Variants in SLC3A2 observed in about 807,000 individuals in gnomAD.
SLC3A2 encodes solute carrier family 3 member 2.
A neutral mutation model predicts 48.5 loss-of-function variants in SLC3A2; 32 were observed. That is an observed-to-expected ratio of 0.66 (90% CI 0.50 to 0.89). The LOEUF is 0.89. Among genes scored for constraint, SLC3A2 ranks in the 40% least tolerant of loss-of-function variants. The pLI is 0.00. For missense variants in SLC3A2, 587 were observed against 680.7 expected (o/e 0.86, Z 1.53); for synonymous variants, 277 against 288.8 (o/e 0.96, Z 0.41).
At chr11:62,884,753 G>A (rs1022477819) in intron 5 of SLC3A2, 63 bp downstream of exon 5, 46 of 1,349,800 alleles carry the variant, frequency 3.4e-5, no homozygotes, top group Non-Finnish European at 4.3e-5. Flanking sequence ...TGGAGTGCTA[G>A]GCCTAAGAAG....
chr11:62,884,658 G>A lies in SLC3A2; in HGVS notation c.786G>A (p.Trp262Ter). Residue 262 changes from tryptophan (W) to a stop codon, truncating the protein, a stop_gained, in exon 5 of 9, where the codon TGG becomes TGA. Transcript: ENST00000338663. LOFTEE classifies it high-confidence loss of function. ...ATGCATCCTCATTCTTGGCTGAGTG[G>A]CAAAATATCACCAAGGGCTTCAGTG... ...LKDASSFLAE[W>*]QNITKGFSED... 1 of 1,608,810 alleles carries A rather than the reference G, an allele frequency of 6.2e-7. No individual in the cohort carries two copies. The highest frequency in any genetic ancestry group is 8.5e-7 in the Non-Finnish European group (1 of 1,176,496).
chr11:62,870,474 G>A (rs893453351), intron 1 of SLC3A2, among the ~76,000 whole-genome samples: 8 of 151,884 alleles, frequency 5.3e-5, no homozygotes, highest in African/African-American at 1.5e-4. Context: ...GTGAGCCACC[G>A]CGCCTGGCCT....
In SLC3A2 at chr11:62,874,957, T is replaced by G. The variant is rs375599283; in HGVS notation, c.113-6062T>G. Among the ~76,000 whole-genome samples, 45 of 152,194 alleles carry G rather than the reference T, an allele frequency of 3.0e-4. 1 individual carries two copies. In the East Asian group the frequency reaches 3.1e-3, roughly 10 times the overall value. On this transcript the variant is annotated intron_variant, in intron 1 of 9. Transcript: ENST00000377889. ...TTTGTATTTTTAGTAGAGATGGGGA[T>G]TTGCCATGTTGGCCAAGCTGGTCTC...
rs943291099 is a variant in SLC3A2 at position 62,870,435 on chromosome 11, T to C, written c.113-10584T>C. On this transcript the variant is annotated intron_variant, in intron 1 of 9. Transcript: ENST00000377889. ...TCGTGACCTTGTGATCCGCCCGCCTTGGCTTCCCAAAGTACTGGGATTACA... is the reference window on the plus strand; with the variant it reads ...TCGTGACCTTGTGATCCGCCCGCCTCGGCTTCCCAAAGTACTGGGATTACA... Among the ~76,000 whole-genome samples, 9 of 151,682 alleles carry C rather than the reference T, an allele frequency of 5.9e-5. No homozygotes were observed. The East Asian group carries it at 1.7e-3, about 29-fold the overall frequency.
At chr11:62,857,537 A>G (rs2085347917) in intron 1 of SLC3A2, among the ~76,000 whole-genome samples, 1 of 151,972 alleles carries the variant, frequency 6.6e-6, no homozygotes, top group African/African-American at 2.4e-5. Context: ...AAAAATAGAA[A>G]AAATTAGCCA....
chr11:62,859,263 A>G (rs2085372210), intron 1 of SLC3A2, among the ~76,000 whole-genome samples: 1 of 152,220 alleles, frequency 6.6e-6, no homozygotes, highest in African/African-American at 2.4e-5. Flanking sequence ...GCCTTCAAGC[A>G]TCTGTTTAAC....
At chr11:62,861,910 CA>C (rs1189861840) in intron 1 of SLC3A2, among the ~76,000 whole-genome samples, 2,064 of 59,094 alleles carry the variant, frequency 0.035, 47 homozygotes, top group African/African-American at 0.092. Context: ...AAACCTCTCT[CA>C]AAAAAAAAAA....
upstream of SLC3A2, chr11:62,876,814 C>A (rs973361554): frequency 2.8e-5 from 17 of 597,626 alleles, no homozygotes; most frequent in Admixed American, 1.5e-4. Flanking sequence ...GTTAGCCAGG[C>A]TGATATTGAA....
intron 7 of SLC3A2, among the ~76,000 whole-genome samples, chr11:62,887,280 G>A (rs2085726916): frequency 6.6e-6 from 1 of 152,088 alleles, no homozygotes; most frequent in Admixed American, 6.6e-5. Context: ...AGGAGACCTG[G>A]TAAGATAACC....
rs2085466475 is a variant in SLC3A2, at chr11:62,867,515, G to A, written c.112+11134G>A. Among the ~76,000 whole-genome samples, 5 of 151,074 alleles carry A rather than the reference G, an allele frequency of 3.3e-5. No homozygotes were observed. In the South Asian group the frequency reaches 8.4e-4, roughly 25 times the overall value. On this transcript the variant is annotated intron_variant, in intron 1 of 9. Transcript: ENST00000377889. ...TAATTTTTGTGTTTTTAGTAGAGAC[G>A]TGGTTTCACCATGTTGGCCAGGATG...
At chr11:62,856,137 G>A (rs528999806), upstream of SLC3A2, 341 of 666,656 alleles carry the variant, frequency 5.1e-4, 3 homozygotes, top group South Asian at 3.0e-3. Context: ...CTCACCCAGT[G>A]CATGTGGCAG....
intron 1 of SLC3A2, among the ~76,000 whole-genome samples, chr11:62,875,091 A>G (rs2085557373): frequency 6.6e-6 from 1 of 152,026 alleles, no homozygotes. Context: ...AATCTTCAAG[A>G]TTTCTGGCTG....
Position 62,868,957 on chromosome 11 carries a change from G to A in SLC3A2, c.113-12062G>A, listed in dbSNP as rs1015960701. 4.6e-5 allele frequency among the ~76,000 whole-genome samples: 7 copies of A among 151,888 alleles called. No individual in the cohort carries two copies. The East Asian group carries it at 1.2e-3, about 25-fold the overall frequency. On this transcript the variant is annotated intron_variant, in intron 1 of 9. Coordinates refer to the SLC3A2 transcript ENST00000377889. ...TCTGTCGCCCAGGCTGGAGTGCAGT[G>A]GTGTGATTTCAGTTCACTGCAACTT...
At position 62,881,433 on chromosome 11, in the gene SLC3A2, C is replaced by G. The variant is rs766481121; in HGVS notation, c.410C>G (p.Ala137Gly). The G allele has an allele frequency of 1.8e-5, 29 of 1,585,998 alleles. No homozygotes were observed. The South Asian group carries it at 3.0e-4, about 17-fold the overall frequency. The change falls in exon 1 of 9, where the codon GCG (alanine) becomes GGG (glycine). Residue 137 changes from alanine to glycine, a missense_variant. Physicochemically the swap from Ala to Gly is moderately conservative, Grantham distance 60. This residue lies in a region of SLC3A2 where 409 missense variants were observed against 446.7 expected (regional missense o/e 0.92). Transcript: ENST00000338663. This position sits in a 1 kb window ranked among gnomAD's most constrained non-coding sequence, Gnocchi z 4.0. The part of the protein sequence containing the change: ...GDLQAFQGHG[A>G]GNLAGLKGRL... ...CTTCAGGCCTTCCAGGGCCACGGCG[C>G]GGGCAACCTGGCGGGTGAGTGCAGC...
Position 62,881,377 on chromosome 11 carries a change from G to T in SLC3A2, c.354G>T (p.Trp118Cys). The change falls in exon 1 of 9, where the codon TGG becomes TGT. Residue 118 changes from tryptophan (W) to cysteine (C), a missense_variant. Trp to Cys is a radical substitution (Grantham distance 215). Around this residue, in one of 3 missense-constraint regions of SLC3A2, gnomAD observed 409 missense variants for 446.7 expected, o/e 0.92. Transcript: ENST00000338663. This position sits in a 1 kb window ranked among gnomAD's most constrained non-coding sequence, Gnocchi z 4.0. ...GCGAGCTACCGGCGCAGAAGTGGTGGCACACGGGCGCCCTCTACCGCATCG... is the reference window on the plus strand; with the variant it reads ...GCGAGCTACCGGCGCAGAAGTGGTGTCACACGGGCGCCCTCTACCGCATCG... ...RCRELPAQKWWHTGALYRIGD... is the reference protein window; with the variant it reads ...RCRELPAQKWCHTGALYRIGD... 1 of 1,596,866 alleles carries T rather than the reference G, an allele frequency of 6.3e-7. No homozygotes were observed.
Position 62,881,873 on chromosome 11 carries a change from TAACCC to T in SLC3A2, c.425-18_425-14del. 1 of 1,611,296 alleles carries T rather than the reference TAACCC, an allele frequency of 6.2e-7. No homozygotes were observed. ...GGCCTCTCAGAGGGGCCTCACTTGTTAACCCAGCCCCCATTTCAGGTCTGAAGGGG... is the reference window on the plus strand; with the variant it reads ...GGCCTCTCAGAGGGGCCTCACTTGTTAGCCCCCATTTCAGGTCTGAAGGGG... On this transcript the variant is annotated splice_polypyrimidine_tract_variant and intron_variant, in intron 1 of 8. Transcript: ENST00000338663. The surrounding 1 kb of genome is among the most constrained non-coding windows in gnomAD (Gnocchi z 4.0).
At position 62,885,618 on chromosome 11, in the gene SLC3A2, G is replaced by A; in HGVS notation, c.1143+10G>A. The A allele has an allele frequency of 6.2e-7, 1 of 1,613,810 alleles. No individual in the cohort carries two copies. Among genetic ancestry groups the A allele is most frequent in the Non-Finnish European group, 8.5e-7 (1 of 1,179,812 alleles). On this transcript the variant is annotated intron_variant, in intron 7 of 8. Coordinates refer to ENST00000338663, the MANE Select transcript of SLC3A2 (RefSeq NM_001013251.3). ...TGCCCTTCCTGGACAGGTACTGCTTGCTGTCTTTCTGTCACAGGGAGGTTG... is the reference window on the plus strand; with the variant it reads ...TGCCCTTCCTGGACAGGTACTGCTTACTGTCTTTCTGTCACAGGGAGGTTG...
At chr11:62,884,768 G>T in intron 5 of SLC3A2, 78 bp downstream of exon 5, 1 of 1,128,186 alleles carries the variant, frequency 8.9e-7, no homozygotes, top group Non-Finnish European at 1.2e-6. Flanking sequence ...AAGAAGGGGG[G>T]ATTCCTAGTC....
intron 1 of SLC3A2, among the ~76,000 whole-genome samples, chr11:62,872,115 C>T (rs919647409): frequency 6.6e-6 from 1 of 152,156 alleles, no homozygotes; most frequent in Admixed American, 6.6e-5. Context: ...CGGGGTTTCA[C>T]CATGTTAGCC....
Sources: allele counts gnomAD v4.1 joint callset (sites outside exome capture counted in the v4.1 genomes callset), GRCh38; gene constraint gnomAD v4.1.1; regional missense constraint gnomAD v4.1.1; non-coding constraint Gnocchi (gnomAD v3.1); transcripts MANE v1.5; gene names NCBI Gene and HGNC (gene_info 2026-07-23, HGNC 2026-07-21).